The following PLEKHA6 variants were observed in gnomAD, a reference collection of about 807,000 sequenced individuals.
PLEKHA6 encodes pleckstrin homology domain-containing family A member 6.
PLEKHA6 carries 60 observed loss-of-function variants against 116.7 expected under a neutral mutation model. That is an observed-to-expected ratio of 0.51 (90% CI 0.42 to 0.64). PLEKHA6 has a LOEUF of 0.64. Among genes scored for constraint, PLEKHA6 ranks in the 30% least tolerant of loss-of-function variants. The pLI is 0.00. For synonymous variants in PLEKHA6, 489 were observed against 556.1 expected, an observed-to-expected ratio of 0.88 and a Z score of 1.70; for missense variants, 1,338 against 1,422.7, an observed-to-expected ratio of 0.94 and a Z score of 0.96.
At position 204,274,431 on chromosome 1, in the gene PLEKHA6, C is replaced by T. The variant is rs138680052; in HGVS notation, c.-14+298G>A. Among the ~76,000 whole-genome samples the T allele has an allele frequency of 1.7e-4, 26 of 152,282 alleles. No individual in the cohort carries two copies. The South Asian group carries it at 4.3e-3, about 25-fold the overall frequency. ...TCATGATCATATCAGATTTTCTCAG[C>T]GCTTCCGTCAAAGGCCCCTGGGTGC... On this transcript the variant is annotated intron_variant, in intron 2 of 22. Coordinates refer to ENST00000272203, the MANE Select transcript of PLEKHA6 (RefSeq NM_014935.5).
intron 1 of PLEKHA6, chr1:204,320,652 T>G (rs17333933): frequency 0.31 from 49,318 of 160,772 alleles, 7,838 homozygotes; most frequent in African/African-American, 0.38. Flanking sequence ...TCTGGAAAGT[T>G]CTGGGTCCCC....
At chr1:204,288,189 C>T (rs888674930) in intron 1 of PLEKHA6, among the ~76,000 whole-genome samples, 1 of 152,180 alleles carries the variant, frequency 6.6e-6, no homozygotes, top group Non-Finnish European at 1.5e-5. Context: ...TCCTTTAATA[C>T]TCACCAGGTC....
chr1:204,284,903 A>G (rs763790046), intron 1 of PLEKHA6, among the ~76,000 whole-genome samples: 2 of 152,358 alleles, frequency 1.3e-5, no homozygotes, highest in East Asian at 1.9e-4. Context: ...TGCCTGGCAC[A>G]TTGAGTTGTT....
intron 1 of PLEKHA6, chr1:204,301,135 A>G: frequency 4.3e-6 from 2 of 464,740 alleles, no homozygotes; most frequent in East Asian, 1.5e-4. Context: ...CCACTTTACC[A>G]TTCTAAAATC....
At position 204,261,551 on chromosome 1, in the gene PLEKHA6, T is replaced by C. The variant is rs749520507; in HGVS notation, c.382-103A>G. 1.5e-6 allele frequency: 2 copies of C among 1,313,930 alleles called. No homozygotes were observed. The highest frequency in any genetic ancestry group is 4.7e-5 in the Admixed American group (2 of 42,368). 81.4% of individuals were successfully genotyped at this position (1,313,930 alleles called of 1,614,324 possible). ...CAACGCCCACAGAATGGGCAGTCAG[T>C]TGGGCCATTCCCTGCACCTGGGGCT... is the stretch of plus-strand genomic sequence containing the variant. On this transcript the variant is annotated intron_variant, in intron 6 of 22. Transcript: ENST00000272203. This position sits in a 1 kb window ranked among gnomAD's most constrained non-coding sequence, Gnocchi z 4.0.
chr1:204,270,579 T>C (rs1667347262), intron 3 of PLEKHA6, among the ~76,000 whole-genome samples: 1 of 152,216 alleles, frequency 6.6e-6, no homozygotes, highest in African/African-American at 2.4e-5. Flanking sequence ...CAATCATGTA[T>C]ACAGGGCTGA....
At chr1:204,250,456 G>A (rs1381969290) in intron 10 of PLEKHA6, 90 bp downstream of exon 10, 7 of 875,794 alleles carry the variant, frequency 8.0e-6, no homozygotes, top group Non-Finnish European at 1.3e-5. Flanking sequence ...CCCCCGCAGA[G>A]GAAGAGAGAT....
chr1:204,356,763 A>G (rs1673427939), intron 1 of PLEKHA6, among the ~76,000 whole-genome samples: 1 of 152,166 alleles, frequency 6.6e-6, no homozygotes, highest in Non-Finnish European at 1.5e-5. Flanking sequence ...TTAAAATTAT[A>G]TATCAAACCT....
chr1:204,351,204 G>A (rs1055159368), intron 1 of PLEKHA6, among the ~76,000 whole-genome samples: 6 of 152,198 alleles, frequency 3.9e-5, no homozygotes, highest in East Asian at 3.9e-4. Flanking sequence ...GGGGTGTGGC[G>A]GGGGGGAGGT....
intron 1 of PLEKHA6, chr1:204,297,877 T>G: frequency 1.0e-6 from 1 of 984,990 alleles, no homozygotes; most frequent in Non-Finnish European, 1.2e-6. Context: ...ACAAGGTCCA[T>G]CAATGTGAGT....
rs200921523 is a variant in PLEKHA6 at position 204,241,699 on chromosome 1, G to T, written c.2288C>A (p.Ala763Glu). 156 of 1,601,396 alleles carry T rather than the reference G, an allele frequency of 9.7e-5. No homozygotes were observed. The highest frequency in any genetic ancestry group is 1.2e-4 in the Non-Finnish European group (146 of 1,175,062). Residue 763 changes from alanine (A) to glutamate (E), a missense_variant, in exon 16 of 23, where the codon GCA becomes GAA. Coordinates refer to ENST00000272203, the MANE Select transcript of PLEKHA6 (RefSeq NM_014935.5). Reference sequence around the variant, plus strand: ...ACAGAAAGTACCTTTGTTGAGAGCTGCCTGCTTCTCTGCCTCTACCTCTTG... The same window carrying T: ...ACAGAAAGTACCTTTGTTGAGAGCTTCCTGCTTCTCTGCCTCTACCTCTTG... ...TRQEVEAEKQAALNKVGVVPP... is the reference protein window; with the variant it reads ...TRQEVEAEKQEALNKVGVVPP...
intron 1 of PLEKHA6, among the ~76,000 whole-genome samples, chr1:204,376,585 C>A (rs1356944970): frequency 2.6e-5 from 4 of 152,188 alleles, no homozygotes; most frequent in Non-Finnish European, 5.9e-5. Flanking sequence ...CTGCCTGAGC[C>A]CCTGCAAAGG....
intron 1 of PLEKHA6, among the ~76,000 whole-genome samples, chr1:204,318,522 G>A (rs1466128900): frequency 2.0e-5 from 3 of 152,180 alleles, no homozygotes; most frequent in South Asian, 2.1e-4. Context: ...GCCGGCCCTC[G>A]GAAGTTTTGG....
chr1:204,244,855 T>A lies in PLEKHA6; in HGVS notation c.2172+9A>T, dbSNP rs749388530. 3.2e-6 allele frequency: 5 copies of A among 1,562,144 alleles called. No homozygotes were observed. Among genetic ancestry groups the A allele is most frequent in the Non-Finnish European group, 3.5e-6 (4 of 1,152,562 alleles). On this transcript the variant is annotated intron_variant, in intron 15 of 22. Coordinates refer to ENST00000272203, the MANE Select transcript of PLEKHA6 (RefSeq NM_014935.5). ...CCCCACCTACCTTCTACTCCATTTC[T>A]CAACTTACCTCGTTGGAGCCAGGCT...
intron 1 of PLEKHA6, among the ~76,000 whole-genome samples, chr1:204,309,265 A>G (rs566894147): frequency 2.2e-4 from 33 of 152,262 alleles, no homozygotes; most frequent in African/African-American, 7.9e-4. Flanking sequence ...CCTACTGAGC[A>G]TTTTCCTGAG....
At chr1:204,311,309 T>C (rs911304825) in intron 1 of PLEKHA6, among the ~76,000 whole-genome samples, 2 of 151,920 alleles carry the variant, frequency 1.3e-5, no homozygotes, top group African/African-American at 2.4e-5. Flanking sequence ...CTGACCAACA[T>C]GGAGAAACCT....
At chr1:204,334,605 C>T (rs1405172219) in intron 1 of PLEKHA6, among the ~76,000 whole-genome samples, 3 of 152,068 alleles carry the variant, frequency 2.0e-5, no homozygotes, top group Non-Finnish European at 4.4e-5. Flanking sequence ...CATTTAAAAC[C>T]TACTCTTGAC....
rs1662303201 is a variant in PLEKHA6, at chr1:204,238,009, C to G, written c.2409+3366G>C. Among the ~76,000 whole-genome samples, 1 of 152,172 alleles carries G rather than the reference C, an allele frequency of 6.6e-6. No homozygotes were observed. The highest frequency in any genetic ancestry group is 1.5e-5 in the Non-Finnish European group (1 of 68,028). ...TGGTATGGGGCCTGTTGAGATATTC[C>G]TTCTAAGGCGAAGGATATGTTGCTG... is the stretch of plus-strand genomic sequence containing the variant. On this transcript the variant is annotated intron_variant, in intron 17 of 22. Coordinates refer to ENST00000272203, the MANE Select transcript of PLEKHA6 (RefSeq NM_014935.5). The surrounding 1 kb of genome is among the most constrained non-coding windows in gnomAD (Gnocchi z 4.2).
chr1:204,246,647 T>G (rs543870445), intron 13 of PLEKHA6, among the ~76,000 whole-genome samples: 17 of 152,246 alleles, frequency 1.1e-4, no homozygotes, highest in Non-Finnish European at 2.1e-4. Context: ...AGGCAGGGCC[T>G]GGGTGAAGAA....
Sources: gnomAD v4.1 joint callset for allele counts (sites outside exome capture counted in the v4.1 genomes callset) on GRCh38, gnomAD v4.1.1 for gene constraint, Gnocchi (gnomAD v3.1) non-coding constraint, MANE v1.5 for transcripts, NCBI Gene and HGNC (gene_info 2026-07-23, HGNC 2026-07-21) for gene names.